Variants in FAM83D observed in about 807,000 individuals in gnomAD.
FAM83D encodes the protein protein FAM83D.
In FAM83D, 26 loss-of-function variants were observed where a neutral mutation model predicts 25.4. The observed-to-expected ratio is 1.02, with a 90% CI of 0.75 to 1.42. FAM83D has a LOEUF of 1.42. FAM83D is among the 40% of genes most tolerant of loss of function. The probability of loss-of-function intolerance (pLI) is 0.00; values close to 1 mark genes in which losing one functional copy is unlikely to be tolerated. For missense variants in FAM83D, 740 were observed against 758.1 expected, an observed-to-expected ratio of 0.98 and a Z score of 0.28; for synonymous variants, 310 against 318.5, an observed-to-expected ratio of 0.97 and a Z score of 0.28.
At chr20:38,932,087 T>C (rs1392135524) in intron 1 of FAM83D, among the ~76,000 whole-genome samples, 10 of 152,206 alleles carry the variant, frequency 6.6e-5, no homozygotes, top group African/African-American at 1.4e-4. Context: ...GGTACAGTGT[T>C]TAAAAACAAA....
intron 1 of FAM83D, among the ~76,000 whole-genome samples, chr20:38,936,588 C>T (rs778235276): frequency 5.9e-5 from 9 of 152,066 alleles, no homozygotes; most frequent in Non-Finnish European, 1.3e-4. Context: ...GAAAAACTGC[C>T]CATTAAACTT....
At chr20:38,938,478 G>A (rs1224914078) in intron 1 of FAM83D, among the ~76,000 whole-genome samples, 2 of 152,256 alleles carry the variant, frequency 1.3e-5, no homozygotes, top group Non-Finnish European at 2.9e-5. Context: ...CCACAATGAA[G>A]ATTTGAAAGA....
At chr20:38,929,627 A>AAG (rs2085650833) in intron 1 of FAM83D, among the ~76,000 whole-genome samples, 1 of 151,318 alleles carries the variant, frequency 6.6e-6, no homozygotes, top group Non-Finnish European at 1.5e-5. Context: ...AAAAAAAAAA[A>AAG]AAAGCCAGGC....
chr20:38,926,916 G>A lies in FAM83D; in HGVS notation c.474G>A (p.Ser158=). The A allele has an allele frequency of 6.9e-7, 1 of 1,453,784 alleles. No individual in the cohort carries two copies. The highest frequency in any genetic ancestry group is 1.4e-5 in the South Asian group (1 of 71,758). 90.1% of individuals were successfully genotyped at this position (1,453,784 alleles called of 1,614,324 possible). Residue 158 remains serine (S), a synonymous_variant, in exon 1 of 4, where the codon TCG becomes TCA. Transcript: ENST00000619850. The part of the protein sequence containing the change: ...CKDALRQQLR[S]AREVIAVVMD... ...ACGCTCTGCGCCAGCAGCTCCGCTC[G>A]GCGCGAGAGGTGAGCGGCCCTCCAG...
chr20:38,926,535 A>G lies in FAM83D; in HGVS notation c.93A>G (p.Ser31=). Residue 31 remains serine (S), a synonymous_variant, in exon 1 of 4, where the codon TCA becomes TCG. Transcript: ENST00000619850. ...ACCCGACCGAGCTGTTCAGCGAGTC[A>G]CGGCGCCTGGCTCTGGAGGAGCTGG... The part of the protein sequence containing the change: ...PPNPTELFSE[S]RRLALEELVA... 6.3e-7 allele frequency: 1 copy of G among 1,588,226 alleles called. No individual in the cohort carries two copies. Among genetic ancestry groups the G allele is most frequent in the Non-Finnish European group, 8.5e-7 (1 of 1,174,182 alleles).
intron 1 of FAM83D, among the ~76,000 whole-genome samples, chr20:38,939,785 C>CTT (rs2085693865): frequency 6.6e-6 from 1 of 152,192 alleles, no homozygotes; most frequent in African/African-American, 2.4e-5. Context: ...CAGCCCACAG[C>CTT]GTGCTCTGAG....
intron 1 of FAM83D, among the ~76,000 whole-genome samples, chr20:38,931,788 A>G (rs2085659773): frequency 6.6e-6 from 1 of 152,268 alleles, no homozygotes; most frequent in Non-Finnish European, 1.5e-5. Flanking sequence ...CTGACCACAC[A>G]GAATCACTCA....
At chr20:38,935,182 A>G (rs2085673689) in intron 1 of FAM83D, among the ~76,000 whole-genome samples, 1 of 152,158 alleles carries the variant, frequency 6.6e-6, no homozygotes, top group South Asian at 2.1e-4. Flanking sequence ...TGTAAATTGG[A>G]TTTTGGAACT....
chr20:38,930,573 TG>T (rs2085654809), intron 1 of FAM83D, among the ~76,000 whole-genome samples: 1 of 151,880 alleles, frequency 6.6e-6, no homozygotes, highest in Non-Finnish European at 1.5e-5. Flanking sequence ...CTCCACCTCC[TG>T]GATTCAAGTG....
intron 2 of FAM83D, among the ~76,000 whole-genome samples, chr20:38,944,960 T>C (rs2085720587): frequency 6.6e-6 from 1 of 151,372 alleles, no homozygotes; most frequent in African/African-American, 2.4e-5. Context: ...AAAAGGCCTA[T>C]TTCTCTGGCC....
At chr20:38,942,663 A>C (rs980771829) in intron 2 of FAM83D, among the ~76,000 whole-genome samples, 1 of 152,216 alleles carries the variant, frequency 6.6e-6, no homozygotes, top group Non-Finnish European at 1.5e-5. Context: ...GATTATTGCT[A>C]AAGGGTACTT....
intron 1 of FAM83D, among the ~76,000 whole-genome samples, chr20:38,938,744 C>T (rs1011841738): frequency 1.3e-5 from 2 of 152,144 alleles, no homozygotes; most frequent in African/African-American, 4.8e-5. Flanking sequence ...CCCATGATCT[C>T]CTTCCCTCTT....
chr20:38,950,218 T>G (rs967542032), intron 3 of FAM83D, among the ~76,000 whole-genome samples: 5 of 152,192 alleles, frequency 3.3e-5, no homozygotes, highest in African/African-American at 1.2e-4. Flanking sequence ...CAGAATCCAT[T>G]TGATAAAGAA....
chr20:38,950,950 G>C (rs1042625667), intron 3 of FAM83D, among the ~76,000 whole-genome samples: 3 of 152,080 alleles, frequency 2.0e-5, no homozygotes, highest in Non-Finnish European at 4.4e-5. Context: ...CTCCCGAGTA[G>C]CTAGGATTAC....
At chr20:38,933,003 A>C (rs1409127731) in intron 1 of FAM83D, among the ~76,000 whole-genome samples, 34 of 152,162 alleles carry the variant, frequency 2.2e-4, no homozygotes, top group Admixed American at 2.2e-3. Flanking sequence ...TATCTGAATG[A>C]AGGCTTTCCT....
In FAM83D at chr20:38,926,551, G is replaced by C. The variant is rs1230153675; in HGVS notation, c.109G>C (p.Glu37Gln). ...LFSESRRLAL[E>Q]ELVAGGPEAF... ...CAGCGAGTCACGGCGCCTGGCTCTG[G>C]AGGAGCTGGTGGCGGGCGGCCCCGA... Residue 37 changes from glutamate to glutamine, a missense_variant, in exon 1 of 4, where the codon GAG becomes CAG. Transcript: ENST00000619850. 6.3e-7 allele frequency: 1 copy of C among 1,580,130 alleles called. No individual in the cohort carries two copies. The highest frequency in any genetic ancestry group is 1.3e-5 in the African/African-American group (1 of 74,358).
At position 38,942,050 on chromosome 20, in the gene FAM83D, T is replaced by C. The variant is rs1372332150; in HGVS notation, c.575T>C (p.Ile192Thr). 1 of 1,614,218 alleles carries C rather than the reference T, an allele frequency of 6.2e-7. No individual in the cohort carries two copies. The highest frequency in any genetic ancestry group is 8.5e-7 in the Non-Finnish European group (1 of 1,180,036). The change falls in exon 2 of 4, where the codon ATC becomes ACC. Residue 192 changes from isoleucine to threonine, a missense_variant. This residue lies in a region of FAM83D where 333 missense variants were observed against 298.6 expected (regional missense o/e 1.12). Coordinates refer to ENST00000619850, the MANE Select transcript of FAM83D (RefSeq NM_030919.3). Reference protein sequence around the residue: ...ICRKQGVAVYILLDQALLSQF... With the variant: ...ICRKQGVAVYTLLDQALLSQF... Reference sequence around the variant, plus strand: ...AGGAAACAGGGAGTTGCTGTGTATATCCTTCTGGACCAGGCTCTCCTCTCT... The same window carrying C: ...AGGAAACAGGGAGTTGCTGTGTATACCCTTCTGGACCAGGCTCTCCTCTCT...
intron 1 of FAM83D, among the ~76,000 whole-genome samples, chr20:38,927,498 C>CTTTTTTTTTTTT (rs1173092369): frequency 2.0e-5 from 2 of 101,418 alleles, no homozygotes; most frequent in African/African-American, 3.9e-5. Flanking sequence ...TCTTTCTTGT[C>CTTTTTTTTTTTT]TTTTTTTTTT....
At chr20:38,936,447 C>G (rs557335646) in intron 1 of FAM83D, among the ~76,000 whole-genome samples, 3 of 152,024 alleles carry the variant, frequency 2.0e-5, no homozygotes, top group African/African-American at 7.2e-5. Flanking sequence ...TAAGGGCTTT[C>G]CATATGCCAG....
Sources: allele counts gnomAD v4.1 joint callset (sites outside exome capture counted in the v4.1 genomes callset), GRCh38; gene constraint gnomAD v4.1.1; regional missense constraint gnomAD v4.1.1; transcripts MANE v1.5; gene names NCBI Gene and HGNC (gene_info 2026-07-23, HGNC 2026-07-21).